The following SAFB2 variants were observed in gnomAD, a reference collection of about 807,000 sequenced individuals.
The protein encoded by SAFB2 is scaffold attachment factor B2.
In SAFB2, 32 loss-of-function variants were observed where a neutral mutation model predicts 100.6. The ratio of observed to expected loss-of-function variants is 0.32; its 90% CI spans 0.24 to 0.43. The LOEUF (loss-of-function observed/expected upper bound fraction) is 0.43. SAFB2 is among the 20% of genes least tolerant of loss of function. The pLI, the probability that SAFB2 is intolerant of heterozygous loss-of-function variation, is 1.00. For synonymous variants in SAFB2, 500 were observed against 439.4 expected, an observed-to-expected ratio of 1.14 and a Z score of -1.72; for missense variants, 1,185 against 1,163.4, an observed-to-expected ratio of 1.02 and a Z score of -0.27.
intron 13 of SAFB2, among the ~76,000 whole-genome samples, chr19:5,597,870 C>A (rs1001702376): frequency 1.3e-5 from 2 of 152,116 alleles, no homozygotes; most frequent in Non-Finnish European, 2.9e-5. Flanking sequence ...TGGCTCAAGC[C>A]TGTAATCCCA....
At chr19:5,600,570 C>G (rs1475368369) in intron 11 of SAFB2, among the ~76,000 whole-genome samples, 1 of 152,140 alleles carries the variant, frequency 6.6e-6, no homozygotes, top group Non-Finnish European at 1.5e-5. Context: ...AGAAACACGC[C>G]AACTACATAA....
intron 18 of SAFB2, 47 bp from the exon 19 acceptor site, chr19:5,588,027 G>T: frequency 6.5e-7 from 1 of 1,542,950 alleles, no homozygotes; most frequent in Non-Finnish European, 8.8e-7. Context: ...AGCCTCCAGG[G>T]TTGTGTCGGC....
At chr19:5,605,080 T>A in intron 9 of SAFB2, 144 bp from the exon 10 acceptor site, 1 of 929,232 alleles carries the variant, frequency 1.1e-6, no homozygotes, top group Non-Finnish European at 1.6e-6. Context: ...GAATTGGTTC[T>A]AATTAATCCT....
chr19:5,603,230 T>G (rs1424247220), intron 11 of SAFB2, among the ~76,000 whole-genome samples: 1 of 152,164 alleles, frequency 6.6e-6, no homozygotes, highest in African/African-American at 2.4e-5. Flanking sequence ...ACTGCATCAA[T>G]GCACTCCAGC....
intron 9 of SAFB2, among the ~76,000 whole-genome samples, chr19:5,609,272 G>T (rs1166373114): frequency 6.8e-6 from 1 of 147,692 alleles, no homozygotes; most frequent in Admixed American, 6.7e-5. Flanking sequence ...AATGCTAAAT[G>T]ATATGAAAGT....
In SAFB2 at chr19:5,600,115, A is replaced by G. The variant is rs1376647122; in HGVS notation, c.1690+15T>C. On this transcript the variant is annotated intron_variant, in intron 12 of 20. Coordinates refer to ENST00000252542, the MANE Select transcript of SAFB2 (RefSeq NM_014649.3). ...AGGCCTTCCCCTTCCACAGCTCTTA[A>G]AAGGCTCTCCTCACCTGATTTGGTG... 23 of 1,605,262 alleles carry G rather than the reference A, an allele frequency of 1.4e-5. No individual in the cohort carries two copies. Among genetic ancestry groups the G allele is most frequent in the Non-Finnish European group, 1.9e-5 (22 of 1,177,798 alleles).
chr19:5,590,283 G>A lies in SAFB2; in HGVS notation c.2520C>T (p.Pro840=), dbSNP rs2052364628. ...GCTGGGGCTCACCCACTAACCTGGG[G>A]GGAGGGGGCAGCCCCCGGCCTTCAC... The part of the protein sequence containing the change: ...RLSEGRGLPP[P]PRGGRDWGEH... The change falls in exon 18 of 21, where the codon CCC becomes CCT. Residue 840 remains proline, a synonymous_variant. Transcript: ENST00000252542. 1.9e-6 allele frequency: 3 copies of A among 1,595,776 alleles called. No individual in the cohort carries two copies. The African/African-American group carries it at 4.0e-5, about 21-fold the overall frequency.
intron 6 of SAFB2, 57 bp from the exon 7 acceptor site, chr19:5,611,687 A>G (rs1416760490): frequency 5.3e-6 from 2 of 379,078 alleles, no homozygotes; most frequent in South Asian, 3.8e-5. Flanking sequence ...GAAATAAAGC[A>G]ATCACAAATG....
chr19:5,598,806 C>T lies in SAFB2; in HGVS notation c.1769G>A (p.Arg590Lys), dbSNP rs371519329. The change falls in exon 13 of 21, where the codon AGG becomes AAG. Residue 590 changes from arginine (R) to lysine (K), a missense_variant. Transcript: ENST00000252542. The stretch of plus-strand genomic sequence containing the variant: ...GGCAATACTCACTCTCTCTTTGGAC[C>T]TGCTTGTGGTTTTCACGCTAATGAC... Reference protein sequence around the residue: ...EPVISVKTTSRSKERSSKSQD... With the variant: ...EPVISVKTTSKSKERSSKSQD... 9.9e-6 allele frequency: 16 copies of T among 1,614,172 alleles called. No individual in the cohort carries two copies. The highest frequency in any genetic ancestry group is 1.1e-5 in the Non-Finnish European group (13 of 1,180,022).
At chr19:5,597,188 C>T (rs1325117072) in intron 13 of SAFB2, among the ~76,000 whole-genome samples, 2 of 152,184 alleles carry the variant, frequency 1.3e-5, no homozygotes, top group Non-Finnish European at 1.5e-5. Flanking sequence ...TAGCCACTTA[C>T]TAGCGACCTG....
At chr19:5,588,224 C>G (rs2052306321) in intron 18 of SAFB2, among the ~76,000 whole-genome samples, 1 of 152,092 alleles carries the variant, frequency 6.6e-6, no homozygotes, top group African/African-American at 2.4e-5. Flanking sequence ...GCTACCTCCC[C>G]CTGGCTGGGA....
At chr19:5,613,776 G>GA (rs1192442037) in intron 4 of SAFB2, 1 of 982,946 alleles carries the variant, frequency 1.0e-6, no homozygotes, top group East Asian at 1.1e-4. Context: ...GTGAATGAAC[G>GA]AATGAATTTC....
At chr19:5,604,035 T>C (rs544574297) in intron 11 of SAFB2, among the ~76,000 whole-genome samples, 1 of 152,338 alleles carries the variant, frequency 6.6e-6, no homozygotes, top group East Asian at 1.9e-4. Flanking sequence ...TAATCAGTTA[T>C]CAGGAAACAA....
In SAFB2 at chr19:5,613,562, C is replaced by G. The variant is rs369714416; in HGVS notation, c.544-35G>C. 1.0e-4 allele frequency: 161 copies of G among 1,604,912 alleles called. No homozygotes were observed. The African/African-American group carries it at 2.0e-3, about 20-fold the overall frequency. On this transcript the variant is annotated intron_variant, in intron 4 of 20. Coordinates refer to ENST00000252542, the MANE Select transcript of SAFB2 (RefSeq NM_014649.3). Reference sequence around the variant, plus strand: ...AAAATGGAAGATGACTTCGTGGAGGCTGGAGCTATGAAAACCAAGGCTGAC... The same window carrying G: ...AAAATGGAAGATGACTTCGTGGAGGGTGGAGCTATGAAAACCAAGGCTGAC...
At chr19:5,600,329 C>CTCGA in intron 11 of SAFB2, 69 bp from the exon 12 acceptor site, 1 of 1,580,438 alleles carries the variant, frequency 6.3e-7, no homozygotes, top group Non-Finnish European at 8.6e-7. Flanking sequence ...CACCCAGAGC[C>CTCGA]TCGACTCACA....
At chr19:5,590,659 T>C (rs1398379590) in intron 17 of SAFB2, among the ~76,000 whole-genome samples, 1 of 152,142 alleles carries the variant, frequency 6.6e-6, no homozygotes, top group East Asian at 1.9e-4. Flanking sequence ...ACCCTGGCAT[T>C]ACTGCCCTCA....
At chr19:5,593,631 C>G in intron 15 of SAFB2, 1 of 436,308 alleles carries the variant, frequency 2.3e-6, no homozygotes, top group Non-Finnish European at 4.0e-6. Flanking sequence ...CATCACAAAC[C>G]CTTCAGCAAG....
In SAFB2 at chr19:5,587,191, T is replaced by C. The variant is rs1456251734; in HGVS notation, c.*52A>G. The C allele has an allele frequency of 1.9e-6, 3 of 1,589,378 alleles. No homozygotes were observed. Among genetic ancestry groups the C allele is most frequent in the Non-Finnish European group, 1.7e-6 (2 of 1,161,432 alleles). ...CCCCCAAGTTCGAGGGAACCCTGGC[T>C]ACCAGATTCAACAGTGCGTCTGCCC... On this transcript the variant is annotated 3_prime_UTR_variant, in exon 21 of 21. Coordinates refer to ENST00000252542, the MANE Select transcript of SAFB2 (RefSeq NM_014649.3). This position sits in a 1 kb window ranked among gnomAD's most constrained non-coding sequence, Gnocchi z 4.9.
At position 5,609,728 on chromosome 19, in the gene SAFB2, G is replaced by T. The variant is rs148040441; in HGVS notation, c.1296+267C>A. Among the ~76,000 whole-genome samples, 1,277 of 152,300 alleles carry T rather than the reference G, an allele frequency of 8.4e-3. 13 individuals carry two copies. The highest frequency in any genetic ancestry group is 0.013 in the South Asian group (62 of 4,826). ...ACTGTTGTGATATGACCAACCACCT[G>T]CCCTGCTCCGCACCCTAGTTACTGT... is the stretch of plus-strand genomic sequence containing the variant. On this transcript the variant is annotated intron_variant, in intron 9 of 20. Transcript: ENST00000252542.
Sources: allele counts gnomAD v4.1 joint callset (sites outside exome capture counted in the v4.1 genomes callset), GRCh38; gene constraint gnomAD v4.1.1; non-coding constraint Gnocchi (gnomAD v3.1); transcripts MANE v1.5; gene names NCBI Gene and HGNC (gene_info 2026-07-23, HGNC 2026-07-21).